Variants in TMEM14C observed in about 807,000 individuals in gnomAD.
The protein encoded by TMEM14C is chromosome 6 open reading frame 53.
In TMEM14C, 13 loss-of-function variants were observed where a neutral mutation model predicts 14.8. That is an observed-to-expected ratio of 0.88 (90% CI 0.57 to 1.40). TMEM14C has a LOEUF of 1.40. TMEM14C is among the 40% of genes most tolerant of loss of function. The probability of loss-of-function intolerance (pLI) is 0.00; values close to 1 mark genes in which losing one functional copy is unlikely to be tolerated. For missense variants in TMEM14C, 142 were observed against 138.8 expected, an observed-to-expected ratio of 1.02 and a Z score of -0.12; for synonymous variants, 57 against 51.3, an observed-to-expected ratio of 1.11 and a Z score of -0.48.
chr6:10,730,572 C>A, intron 5 of TMEM14C, 43 bp from the exon 6 acceptor site: 1 of 1,598,356 alleles, frequency 6.3e-7, no homozygotes, highest in Non-Finnish European at 8.6e-7. Context: ...GTTGCCTGTT[C>A]TGTCCTTTAC....
intron 4 of TMEM14C, among the ~76,000 whole-genome samples, chr6:10,727,454 C>A (rs1335512237): frequency 6.6e-6 from 1 of 151,690 alleles, no homozygotes; most frequent in Non-Finnish European, 1.5e-5. Context: ...ATTCTCCTAT[C>A]TCAGCCTTCT....
intron 4 of TMEM14C, among the ~76,000 whole-genome samples, chr6:10,727,629 G>A (rs764112287): frequency 1.4e-4 from 21 of 152,102 alleles, no homozygotes; most frequent in Non-Finnish European, 2.5e-4. Flanking sequence ...TGAGACCACC[G>A]TAGGCAACGT....
intron 4 of TMEM14C, among the ~76,000 whole-genome samples, chr6:10,727,198 G>C (rs1284186666): frequency 6.6e-6 from 1 of 152,116 alleles, no homozygotes; most frequent in Non-Finnish European, 1.5e-5. Flanking sequence ...TCCAACACCA[G>C]TGTCTTCCTC....
intron 5 of TMEM14C, 64 bp downstream of exon 5, chr6:10,728,791 T>A (rs141110176): frequency 3.1e-6 from 5 of 1,609,610 alleles, no homozygotes; most frequent in Non-Finnish European, 4.2e-6. Flanking sequence ...GGATACCTTA[T>A]GCATTCAAAA....
intron 4 of TMEM14C, 113 bp from the exon 5 acceptor site, chr6:10,728,526 TA>T (rs1770933211): frequency 1.8e-6 from 2 of 1,099,932 alleles, no homozygotes; most frequent in African/African-American, 1.6e-5. Flanking sequence ...GAAAGAGGAA[TA>T]AGCATAGGAT....
chr6:10,728,411 A>C (rs1034502986), intron 4 of TMEM14C, among the ~76,000 whole-genome samples: 3 of 152,172 alleles, frequency 2.0e-5, no homozygotes, highest in African/African-American at 7.2e-5. Flanking sequence ...GTAAGAGATG[A>C]AGCTGGAAGG....
chr6:10,726,340 C>T (rs1006564765), intron 4 of TMEM14C, among the ~76,000 whole-genome samples: 46 of 152,290 alleles, frequency 3.0e-4, no homozygotes, highest in African/African-American at 9.4e-4. Context: ...AACTATCACA[C>T]GTCTGGGTTA....
rs369101439 is a variant in TMEM14C, at chr6:10,725,873, C to G, written c.98-34C>G. 4 of 1,611,732 alleles carry G rather than the reference C, an allele frequency of 2.5e-6. No homozygotes were observed. The African/African-American group carries it at 4.0e-5, about 16-fold the overall frequency. On this transcript the variant is annotated intron_variant, in intron 3 of 5. Coordinates refer to ENST00000229563, the MANE Select transcript of TMEM14C (RefSeq NM_016462.4). The stretch of plus-strand genomic sequence containing the variant: ...TTCCGTTAGTGAAATAAGTGCCTGA[C>G]ATTACAATGCAAGCTGTGTTTGCTT...
chr6:10,724,969 T>C lies in TMEM14C; in HGVS notation c.29T>C (p.Leu10Ser). MQDTGSVVP[L>S]HWFGFGYAAL... Reference sequence around the variant, plus strand: ...CCCTCTTGTGTTTTCAGAGTGCCTTTGCATTGGTTTGGCTTTGGCTACGCA... The same window carrying C: ...CCCTCTTGTGTTTTCAGAGTGCCTTCGCATTGGTTTGGCTTTGGCTACGCA... Residue 10 changes from leucine (L) to serine (S), a missense_variant, in exon 3 of 6, where the codon TTG (leucine) becomes TCG (serine). By Grantham distance (145) the Leu-to-Ser change is moderately radical (BLOSUM62 -2). Coordinates refer to ENST00000229563, the MANE Select transcript of TMEM14C (RefSeq NM_016462.4). The C allele has an allele frequency of 6.2e-7, 1 of 1,614,252 alleles. No individual in the cohort carries two copies. Among genetic ancestry groups the C allele is most frequent in the Non-Finnish European group, 8.5e-7 (1 of 1,180,044 alleles).
chr6:10,725,014 G>A lies in TMEM14C; in HGVS notation c.74G>A (p.Gly25Glu). 6.2e-7 allele frequency: 1 copy of A among 1,614,162 alleles called. No individual in the cohort carries two copies. The highest frequency in any genetic ancestry group is 8.5e-7 in the Non-Finnish European group (1 of 1,180,028). ...FGYAALVASG[G>E]IIGYVKAGSV... Reference sequence around the variant, plus strand: ...TACGCAGCACTGGTTGCTTCTGGTGGGATCATTGGCTATGTAAAAGCAGGT... The same window carrying A: ...TACGCAGCACTGGTTGCTTCTGGTGAGATCATTGGCTATGTAAAAGCAGGT... Residue 25 changes from glycine (G) to glutamate (E), a missense_variant, in exon 3 of 6, where the codon GGG (glycine) becomes GAG (glutamate). Gly to Glu is a moderately conservative substitution (Grantham distance 98, BLOSUM62 -2). Transcript: ENST00000229563.
Position 10,730,797 on chromosome 6 carries a change from C to T in TMEM14C, c.*131C>T, listed in dbSNP as rs1046120. On this transcript the variant is annotated 3_prime_UTR_variant, in exon 6 of 6. Coordinates refer to ENST00000229563, the MANE Select transcript of TMEM14C (RefSeq NM_016462.4). The stretch of plus-strand genomic sequence containing the variant: ...TTTACCTAAAAAAAAAGACACCAAA[C>T]TTGGCAGAGAGGTGGAAAATCAGTC... The T allele has an allele frequency of 1.5e-6, 2 of 1,371,318 alleles. No individual in the cohort carries two copies. Among genetic ancestry groups the T allele is most frequent in the Non-Finnish European group, 1.9e-6 (2 of 1,055,442 alleles). The allele number at this position is 1,371,318 out of a possible 1,614,324, so 84.9% of individuals were successfully genotyped here. A position where few individuals can be genotyped will look rare whatever the true frequency, so the allele number is the denominator to read the frequency against.
chr6:10,723,187 A>C lies in TMEM14C; in HGVS notation c.-99A>C, dbSNP rs1377027781. 6.6e-6 allele frequency: 1 copy of C among 152,350 alleles called. No homozygotes were observed. The highest frequency in any genetic ancestry group is 1.5e-5 in the Non-Finnish European group (1 of 68,108). 9.4% of individuals were successfully genotyped at this position (152,350 alleles called of 1,614,324 possible). A position where few individuals can be genotyped will look rare whatever the true frequency, so the allele number is the denominator to read the frequency against. On this transcript the variant is annotated 5_prime_UTR_variant, in exon 1 of 6. Transcript: ENST00000229563. ...CGCTGCATTTCCGGCGACACCTCGC[A>C]GTCATTCCTGCGGCTTGCGCGCCCT...
At chr6:10,724,657 A>G (rs1316281599) in intron 2 of TMEM14C, 24 bp downstream of exon 2, 1 of 1,610,094 alleles carries the variant, frequency 6.2e-7, no homozygotes, top group Non-Finnish European at 8.5e-7. Flanking sequence ...ATGGGTATGG[A>G]GTAGCCAGGA....
At chr6:10,728,080 C>T (rs144754233) in intron 4 of TMEM14C, among the ~76,000 whole-genome samples, 7 of 152,330 alleles carry the variant, frequency 4.6e-5, no homozygotes, top group African/African-American at 1.4e-4. Context: ...CCTTCCCATC[C>T]TTCAGCTCAT....
At chr6:10,728,886 CTAGTT>C in intron 5 of TMEM14C, 159 bp downstream of exon 5, 4 of 1,491,008 alleles carry the variant, frequency 2.7e-6, no homozygotes, top group Non-Finnish European at 3.6e-6. Context: ...AAAACAATAG[CTAGTT>C]TAATGTCAAA....
intron 4 of TMEM14C, among the ~76,000 whole-genome samples, chr6:10,726,369 G>T (rs751211325): frequency 2.0e-5 from 3 of 152,104 alleles, no homozygotes; most frequent in Non-Finnish European, 4.4e-5. Context: ...TCTGAATTGC[G>T]ATTTCCCCAT....
At chr6:10,728,571 G>A in intron 4 of TMEM14C, 69 bp from the exon 5 acceptor site, 1 of 1,528,552 alleles carries the variant, frequency 6.5e-7, no homozygotes, top group African/African-American at 1.4e-5. Flanking sequence ...GTGGGGCTTG[G>A]CCCACTTCTG....
chr6:10,725,222 G>A (rs1770822363), intron 3 of TMEM14C, among the ~76,000 whole-genome samples, 185 bp downstream of exon 3: 1 of 152,162 alleles, frequency 6.6e-6, no homozygotes. Context: ...TGGTGAAGCT[G>A]AGCCAGGCCT....
chr6:10,728,958 C>G (rs1770951596), intron 5 of TMEM14C: 1 of 1,004,010 alleles, frequency 1.0e-6, no homozygotes, highest in East Asian at 2.8e-5. Context: ...ATTTGCTTTC[C>G]AGTCCATCCA....
Sources: gnomAD v4.1 joint callset for allele counts (sites outside exome capture counted in the v4.1 genomes callset) on GRCh38, gnomAD v4.1.1 for gene constraint, MANE v1.5 for transcripts, NCBI Gene and HGNC (gene_info 2026-07-23, HGNC 2026-07-21) for gene names.